Variants in IL13RA1 observed in about 807,000 individuals in gnomAD.
IL13RA1 encodes interleukin-13 receptor subunit alpha-1.
In IL13RA1, 14 loss-of-function variants were observed where a neutral mutation model predicts 33.8. That is an observed-to-expected ratio of 0.41 (90% CI 0.27 to 0.65). IL13RA1 has a LOEUF of 0.65. Among genes scored for constraint, IL13RA1 ranks in the 30% least tolerant of loss-of-function variants. The probability of loss-of-function intolerance (pLI) is 0.28; values close to 1 mark genes in which losing one functional copy is unlikely to be tolerated. For missense variants in IL13RA1, 313 were observed against 327.0 expected (o/e 0.96, Z 0.33); for synonymous variants, 116 against 115.7 (o/e 1.00, Z -0.02).
At chrX:118,784,077 CAA>C (rs376419026) in intron 10 of IL13RA1, among the ~76,000 whole-genome samples, 335 of 25,294 alleles carry the variant, frequency 0.013, 5 homozygotes, top group Middle Eastern at 0.03. Flanking sequence ...ACTCTGTCGC[CAA>C]AAAAAAAAAA....
intron 8 of IL13RA1, among the ~76,000 whole-genome samples, chrX:118,769,133 A>G (rs996020368): frequency 2.7e-5 from 3 of 112,314 alleles, no homozygotes; most frequent in East Asian, 2.8e-4. Flanking sequence ...AAGTGAGTCA[A>G]TTAGTCTAGC....
At chrX:118,798,296 G>GT (rs2018042989), downstream of IL13RA1, among the ~76,000 whole-genome samples, 1 of 100,825 alleles carries the variant, frequency 9.9e-6, no homozygotes, top group African/African-American at 3.9e-5. Context: ...ATATTTTTTT[G>GT]TTTTTTTCCC....
rs772134076 is a variant in IL13RA1, at chrX:118,769,094, C to T, written c.1009+2118C>T. ...TATAACCTAACCTTAGAAATGACAT[C>T]CCATTACTGCTGCTGTTCTGTTTTT... On this transcript the variant is annotated intron_variant, in intron 8 of 10. Transcript: ENST00000371666. 6.2e-5 allele frequency among the ~76,000 whole-genome samples: 7 copies of T among 112,051 alleles called. No individual in the cohort carries two copies. The East Asian group carries it at 2.0e-3, about 31-fold the overall frequency.
chrX:118,776,423 A>G lies in IL13RA1; in HGVS notation c.1107-4A>G. On this transcript the variant is annotated splice_polypyrimidine_tract_variant and splice_region_variant and intron_variant, in intron 9 of 10. Coordinates refer to ENST00000371666, the MANE Select transcript of IL13RA1 (RefSeq NM_001560.3). ...TTGAATCAAATGTCTCTGTTTTCTTAAAGGCTCAAGATTATTATATTCCCT... is the reference window on the plus strand; with the variant it reads ...TTGAATCAAATGTCTCTGTTTTCTTGAAGGCTCAAGATTATTATATTCCCT... 1 of 878,174 alleles carries G rather than the reference A, an allele frequency of 1.1e-6. No individual in the cohort carries two copies. Among genetic ancestry groups the G allele is most frequent in the Non-Finnish European group, 1.7e-6 (1 of 597,446 alleles). 72.4% of individuals were successfully genotyped at this position (878,174 alleles called of 1,213,427 possible). A position where few individuals can be genotyped will look rare whatever the true frequency, so the allele number is the denominator to read the frequency against.
intron 5 of IL13RA1, chrX:118,759,020 A>G (rs772133925): frequency 8.9e-6 from 1 of 112,157 alleles, no homozygotes; most frequent in Non-Finnish European, 1.9e-5. Flanking sequence ...GATCATATGT[A>G]GTTCCTAAAT....
chrX:118,749,369 G>A (rs2017445813), intron 3 of IL13RA1, among the ~76,000 whole-genome samples: 1 of 111,318 alleles, frequency 9.0e-6, no homozygotes, highest in Admixed American at 9.5e-5. Flanking sequence ...GATTGAAATA[G>A]TTTTTGATCT....
At chrX:118,799,262 G>T (rs1215612517), downstream of IL13RA1, among the ~76,000 whole-genome samples, 1 of 113,109 alleles carries the variant, frequency 8.8e-6, no homozygotes, top group African/African-American at 3.2e-5. Flanking sequence ...CTCCTGTGCG[G>T]CCCGAGCCTC....
chrX:118,770,788 G>A (rs940609465), intron 8 of IL13RA1: 24 of 320,404 alleles, frequency 7.5e-5, no homozygotes, highest in African/African-American at 6.4e-4. Flanking sequence ...CATCCTTACT[G>A]GCTTTGTCAT....
At chrX:118,742,920 A>G (rs918101420) in intron 2 of IL13RA1, among the ~76,000 whole-genome samples, 5 of 111,851 alleles carry the variant, frequency 4.5e-5, no homozygotes, top group Non-Finnish European at 9.4e-5. Context: ...TTATGGGTCA[A>G]AATGGTTGAA....
intron 6 of IL13RA1, among the ~76,000 whole-genome samples, chrX:118,762,054 A>G (rs774365675): frequency 1.3e-4 from 15 of 112,400 alleles, no homozygotes; most frequent in Non-Finnish European, 1.9e-4. Context: ...TGAGTAGTCA[A>G]TATTTGTTGG....
chrX:118,771,010 C>T lies in IL13RA1; in HGVS notation c.1010-2869C>T, dbSNP rs1005226906. On this transcript the variant is annotated intron_variant, in intron 8 of 10. Transcript: ENST00000371666. ...GGGGGCCAGAGAAGGGAATTACCCA[C>T]TTACTCTTGGGGGCTGCTAAACTCT... Among the ~76,000 whole-genome samples the T allele has an allele frequency of 5.4e-5, 6 of 111,911 alleles. No individual in the cohort carries two copies. The Admixed American group carries it at 5.7e-4, about 11-fold the overall frequency.
At chrX:118,730,801 A>G (rs192242856) in intron 1 of IL13RA1, among the ~76,000 whole-genome samples, 97 of 112,238 alleles carry the variant, frequency 8.6e-4, no homozygotes, top group Non-Finnish European at 1.5e-3. Flanking sequence ...ACTTACTGGT[A>G]TCTTCCCACC....
At position 118,762,001 on chromosome X, in the gene IL13RA1, A is replaced by G. The variant is rs148000394; in HGVS notation, c.828+712A>G. ...ACACTTTGGAGGCTCTGATAATACC[A>G]TTCTGTTTTCTTGGAGTTTGTGGCA... On this transcript the variant is annotated intron_variant, in intron 6 of 10. Coordinates refer to ENST00000371666, the MANE Select transcript of IL13RA1 (RefSeq NM_001560.3). Among the ~76,000 whole-genome samples, 369 of 112,603 alleles carry G rather than the reference A, an allele frequency of 3.3e-3. 4 individuals are homozygous for G. Among genetic ancestry groups the G allele is most frequent in the African/African-American group, 0.011 (345 of 31,003 alleles).
intron 4 of IL13RA1, among the ~76,000 whole-genome samples, chrX:118,757,288 T>G (rs2017539890): frequency 9.0e-6 from 1 of 111,174 alleles, no homozygotes; most frequent in Non-Finnish European, 1.9e-5. Context: ...TCCCAGCAGT[T>G]TGGGAGGCCG....
At chrX:118,753,192 G>T (rs911736900) in intron 4 of IL13RA1, among the ~76,000 whole-genome samples, 1 of 112,335 alleles carries the variant, frequency 8.9e-6, no homozygotes, top group East Asian at 2.8e-4. Flanking sequence ...GCAGATGGTA[G>T]CCTAGTCCTT....
chrX:118,804,681 G>C, the IL13RA1 span, among the ~76,000 whole-genome samples: 2 of 111,826 alleles, frequency 1.8e-5, no homozygotes, highest in African/African-American at 3.3e-5. Flanking sequence ...CTGAATGTTA[G>C]GTTGAGAAAA....
At chrX:118,755,358 AC>A (rs1280834426) in intron 4 of IL13RA1, among the ~76,000 whole-genome samples, 1 of 109,640 alleles carries the variant, frequency 9.1e-6, no homozygotes, top group East Asian at 2.9e-4. Context: ...AGAGCTTCAG[AC>A]TAGTCATGCC....
intron 9 of IL13RA1, among the ~76,000 whole-genome samples, chrX:118,774,349 A>G (rs185172717): frequency 0.011 from 1,204 of 109,473 alleles, 28 homozygotes; most frequent in Admixed American, 0.054. Flanking sequence ...GGGTTTCACC[A>G]TGTTGGCCAG....
intron 8 of IL13RA1, 123 bp downstream of exon 8, chrX:118,767,099 A>G (rs2017658126): frequency 2.7e-6 from 1 of 375,446 alleles, no homozygotes; most frequent in African/African-American, 2.6e-5. Flanking sequence ...GAGTACTTAC[A>G]ATTGAAATTT....
Sources: allele counts gnomAD v4.1 joint callset (sites outside exome capture counted in the v4.1 genomes callset), GRCh38; gene constraint gnomAD v4.1.1; transcripts MANE v1.5; gene names NCBI Gene and HGNC (gene_info 2026-07-23, HGNC 2026-07-21).